KCNIP1: variants seen among roughly 807,000 people sequenced by gnomAD.
KCNIP1 encodes the protein potassium voltage-gated channel interacting protein 1.
A neutral mutation model predicts 33.0 loss-of-function variants in KCNIP1; 18 were observed. The observed-to-expected ratio is 0.55, with a 90% CI of 0.38 to 0.81. The LOEUF is 0.81. Among genes scored for constraint, KCNIP1 ranks in the 30% least tolerant of loss-of-function variants. The pLI, the probability that KCNIP1 is intolerant of heterozygous loss-of-function variation, is 0.00. For missense variants in KCNIP1, 238 were observed against 271.6 expected, an observed-to-expected ratio of 0.88 and a Z score of 0.87; for synonymous variants, 93 against 98.3, an observed-to-expected ratio of 0.95 and a Z score of 0.32.
intron 1 of KCNIP1, among the ~76,000 whole-genome samples, chr5:170,550,134 A>G (rs1756554614): frequency 6.6e-6 from 1 of 152,144 alleles, no homozygotes; most frequent in African/African-American, 2.4e-5. Context: ...CAGGCCCCAG[A>G]GCTGGGAAGT....
chr5:170,586,491 T>G (rs900062114), intron 1 of KCNIP1, among the ~76,000 whole-genome samples: 2 of 151,984 alleles, frequency 1.3e-5, no homozygotes, highest in Admixed American at 1.3e-4. Flanking sequence ...CCTTTGGAGT[T>G]ATACAGATGT....
At chr5:170,494,799 T>C (rs1757278165) in intron 1 of KCNIP1, among the ~76,000 whole-genome samples, 1 of 152,170 alleles carries the variant, frequency 6.6e-6, no homozygotes, top group Admixed American at 6.5e-5. Context: ...CCCATCTGCT[T>C]TCCTTCCTTA....
chr5:170,496,433 G>C (rs886420407), intron 1 of KCNIP1, among the ~76,000 whole-genome samples: 5 of 152,260 alleles, frequency 3.3e-5, no homozygotes, highest in African/African-American at 1.2e-4. Flanking sequence ...TATTCACTGT[G>C]ACTTCAGGAA....
At chr5:170,530,904 G>C (rs1447345388) in intron 1 of KCNIP1, among the ~76,000 whole-genome samples, 1 of 152,136 alleles carries the variant, frequency 6.6e-6, no homozygotes, top group African/African-American at 2.4e-5. Flanking sequence ...GGAGATAGTG[G>C]GGTCTTTCCT....
intron 1 of KCNIP1, among the ~76,000 whole-genome samples, chr5:170,381,687 C>T (rs564128827): frequency 2.0e-5 from 3 of 152,354 alleles, no homozygotes; most frequent in Non-Finnish European, 2.9e-5. Context: ...TCCTTCACAT[C>T]CTGCTGACAG....
At chr5:170,541,265 G>A (rs1397718605) in intron 1 of KCNIP1, among the ~76,000 whole-genome samples, 1 of 152,140 alleles carries the variant, frequency 6.6e-6, no homozygotes, top group South Asian at 2.1e-4. Flanking sequence ...ATGACCCATA[G>A]CCATCTGTCT....
chr5:170,467,691 G>A (rs557252377), intron 1 of KCNIP1, among the ~76,000 whole-genome samples: 20 of 152,240 alleles, frequency 1.3e-4, no homozygotes, highest in African/African-American at 4.8e-4. Context: ...GCCGAGGCGG[G>A]TGGATCACCT....
chr5:170,387,765 A>G (rs542624548), intron 1 of KCNIP1, among the ~76,000 whole-genome samples: 138 of 152,316 alleles, frequency 9.1e-4, no homozygotes, highest in South Asian at 5.0e-3. Flanking sequence ...AAGACTCTCC[A>G]TGTATTCACA....
intron 1 of KCNIP1, among the ~76,000 whole-genome samples, chr5:170,601,244 G>C (rs1007746058): frequency 1.3e-5 from 2 of 152,252 alleles, no homozygotes; most frequent in Non-Finnish European, 2.9e-5. Context: ...GGGGACGGCT[G>C]GGAGTCACAG....
intron 1 of KCNIP1, among the ~76,000 whole-genome samples, chr5:170,407,451 T>G (rs912619167): frequency 6.6e-6 from 1 of 152,228 alleles, no homozygotes; most frequent in African/African-American, 2.4e-5. Flanking sequence ...AAAAATTTTT[T>G]TAAATGCTAT....
At chr5:170,522,177 C>G (rs1755388384) in intron 1 of KCNIP1, among the ~76,000 whole-genome samples, 2 of 152,184 alleles carry the variant, frequency 1.3e-5, no homozygotes. Context: ...AGCTCAAGGA[C>G]CAGAGGTCAG....
At position 170,722,738 on chromosome 5, in the gene KCNIP1, T is replaced by C; in HGVS notation, c.353T>C (p.Leu118Ser). The change falls in exon 5 of 8, where the codon TTA (leucine) becomes TCA (serine). Residue 118 changes from leucine to serine, a missense_variant. Coordinates refer to ENST00000328939, the MANE Select transcript of KCNIP1 (RefSeq NM_014592.4). ...GACTTTGTAACCGCTCTGTCGATTT[T>C]ATTGAGAGGAACTGTCCACGAGAAA... Reference protein sequence around the residue: ...FEDFVTALSILLRGTVHEKLR... With the variant: ...FEDFVTALSISLRGTVHEKLR... The C allele has an allele frequency of 6.2e-7, 1 of 1,613,734 alleles. No individual in the cohort carries two copies. The highest frequency in any genetic ancestry group is 8.5e-7 in the Non-Finnish European group (1 of 1,179,682).
chr5:170,673,162 C>T (rs1761988809), intron 1 of KCNIP1, among the ~76,000 whole-genome samples: 1 of 152,228 alleles, frequency 6.6e-6, no homozygotes. Flanking sequence ...TTCATATGTG[C>T]TGTCCCCGCC....
intron 1 of KCNIP1, among the ~76,000 whole-genome samples, chr5:170,663,354 G>A (rs924291074): frequency 1.4e-4 from 22 of 152,034 alleles, no homozygotes; most frequent in Admixed American, 1.3e-3. Context: ...CTCTCCCACC[G>A]TGCTGAAGCT....
intron 1 of KCNIP1, among the ~76,000 whole-genome samples, chr5:170,552,051 G>A (rs565860203): frequency 5.3e-5 from 8 of 151,994 alleles, no homozygotes; most frequent in Non-Finnish European, 1.0e-4. Flanking sequence ...TCATGCCGAT[G>A]TTCACGATGG....
chr5:170,376,639 T>C (rs1247825245), intron 1 of KCNIP1: 1 of 152,196 alleles, frequency 6.6e-6, no homozygotes, highest in Non-Finnish European at 1.5e-5. Flanking sequence ...GTCCCTGTGT[T>C]AGTTTGCTAA....
intron 1 of KCNIP1, among the ~76,000 whole-genome samples, chr5:170,600,876 T>C (rs752689167): frequency 5.9e-5 from 9 of 152,168 alleles, no homozygotes; most frequent in Non-Finnish European, 8.8e-5. Context: ...ACATATAAAT[T>C]GATTAGTGCA....
At chr5:170,513,433 C>G (rs945397364) in intron 1 of KCNIP1, among the ~76,000 whole-genome samples, 1 of 152,204 alleles carries the variant, frequency 6.6e-6, no homozygotes, top group African/African-American at 2.4e-5. Flanking sequence ...CTTTCTCTCT[C>G]TTTCTTTTTA....
intron 1 of KCNIP1, among the ~76,000 whole-genome samples, chr5:170,396,261 G>C (rs978525503): frequency 6.6e-6 from 1 of 152,212 alleles, no homozygotes; most frequent in Non-Finnish European, 1.5e-5. Flanking sequence ...ATCAGCAGGA[G>C]AATCTTCTTG....
Sources: gnomAD v4.1 joint callset for allele counts (sites outside exome capture counted in the v4.1 genomes callset) on GRCh38, gnomAD v4.1.1 for gene constraint, MANE v1.5 for transcripts, NCBI Gene and HGNC (gene_info 2026-07-23, HGNC 2026-07-21) for gene names.